Variants in INTS9 observed in about 807,000 individuals in gnomAD.
INTS9 encodes the protein integrator complex subunit 9.
A neutral mutation model predicts 79.7 loss-of-function variants in INTS9; 55 were observed. The observed-to-expected ratio is 0.69, with a 90% CI of 0.56 to 0.86. INTS9 has a LOEUF of 0.86. INTS9 is among the 40% of genes least tolerant of loss of function. INTS9 has a pLI of 0.00. For synonymous variants in INTS9, 319 were observed against 325.2 expected, an observed-to-expected ratio of 0.98 and a Z score of 0.20; for missense variants, 721 against 831.5, an observed-to-expected ratio of 0.87 and a Z score of 1.64.
rs1808336730 is a variant in INTS9, at chr8:28,859,463, T to C, written c.110A>G (p.Asn37Ser). Residue 37 changes from asparagine to serine, a missense_variant, in exon 2 of 17, where the codon AAT becomes AGT. Coordinates refer to ENST00000521022, the MANE Select transcript of INTS9 (RefSeq NM_018250.4). ...DCGLDMTSTL[N>S]FLPLPLVQSP... is the part of the protein sequence containing the mutation. ...TTGAACAAGTGGCAAAGGAAGGAAA[T>C]TGAGGGTAGAAGTCATGTCCAGTCC... 1 of 1,614,098 alleles carries C rather than the reference T, an allele frequency of 6.2e-7. No homozygotes were observed. The highest frequency in any genetic ancestry group is 1.1e-5 in the South Asian group (1 of 91,078).
intron 3 of INTS9, among the ~76,000 whole-genome samples, chr8:28,848,089 A>T (rs1241216022): frequency 6.6e-6 from 1 of 152,216 alleles, no homozygotes; most frequent in African/African-American, 2.4e-5. Context: ...GAAGGCCACT[A>T]ATGCTTTCTC....
chr8:28,882,469 A>AAT (rs1809920493), intron 1 of INTS9, among the ~76,000 whole-genome samples: 4 of 147,000 alleles, frequency 2.7e-5, no homozygotes, highest in African/African-American at 7.5e-5. Context: ...AAAAAAAAAA[A>AAT]AAATAGAAAT....
At chr8:28,880,828 C>A (rs1331429173) in intron 1 of INTS9, among the ~76,000 whole-genome samples, 1 of 149,534 alleles carries the variant, frequency 6.7e-6, no homozygotes, top group Non-Finnish European at 1.5e-5. Flanking sequence ...TCTTCCCCGC[C>A]GCCATCCCAT....
At position 28,768,015 on chromosome 8, in the gene INTS9, C is replaced by G. The variant is rs1236164942; in HGVS notation, c.*131G>C. On this transcript the variant is annotated 3_prime_UTR_variant, in exon 17 of 17. Coordinates refer to ENST00000521022, the MANE Select transcript of INTS9 (RefSeq NM_018250.4). Reference sequence around the variant, plus strand: ...CCAGACCATTTCCCTCAAGAGCCACCTCTTCACTCCTTAAGCCAGAGGACA... The same window carrying G: ...CCAGACCATTTCCCTCAAGAGCCACGTCTTCACTCCTTAAGCCAGAGGACA... The G allele has an allele frequency of 1.2e-6, 1 of 804,200 alleles. No homozygotes were observed. The highest frequency in any genetic ancestry group is 2.4e-5 in the East Asian group (1 of 41,156). The allele number at this position is 804,200 out of a possible 1,614,324, so 49.8% of individuals were successfully genotyped here.
chr8:28,876,199 C>G (rs960347624), intron 1 of INTS9, among the ~76,000 whole-genome samples: 1 of 152,086 alleles, frequency 6.6e-6, no homozygotes, highest in African/African-American at 2.4e-5. Flanking sequence ...TCCAAGGAAA[C>G]CTTGCAATTT....
chr8:28,778,354 A>G (rs1042441084), intron 12 of INTS9, among the ~76,000 whole-genome samples: 2 of 152,202 alleles, frequency 1.3e-5, no homozygotes, highest in Admixed American at 6.5e-5. Context: ...TTTGAGGGAG[A>G]ACAGAATATG....
In INTS9 at chr8:28,767,923, G is replaced by A. The variant is rs114789927; in HGVS notation, c.*223C>T. 666 of 538,744 alleles carry A rather than the reference G, an allele frequency of 1.2e-3. 1 individual carries two copies. The highest frequency in any genetic ancestry group is 0.012 in the African/African-American group (625 of 52,692). The allele number at this position is 538,744 out of a possible 1,614,324, so 33.4% of individuals were successfully genotyped here. A position where few individuals can be genotyped will look rare whatever the true frequency, so the allele number is the denominator to read the frequency against. On this transcript the variant is annotated 3_prime_UTR_variant, in exon 17 of 17. Coordinates refer to ENST00000521022, the MANE Select transcript of INTS9 (RefSeq NM_018250.4). The stretch of plus-strand genomic sequence containing the variant: ...CCTCCAGCTCCTTGAGAGAGCCAGA[G>A]TTGAGAAGAAAATGAGCCTGAAGTT...
chr8:28,851,342 G>A (rs1285638260), intron 2 of INTS9, among the ~76,000 whole-genome samples: 1 of 152,034 alleles, frequency 6.6e-6, no homozygotes, highest in Non-Finnish European at 1.5e-5. Flanking sequence ...CAATCTTTTA[G>A]AAATGGTGAA....
intron 6 of INTS9, among the ~76,000 whole-genome samples, chr8:28,832,612 T>G (rs931549702): frequency 1.8e-4 from 28 of 152,234 alleles, no homozygotes; most frequent in African/African-American, 6.3e-4. Context: ...ACTCACTAGC[T>G]GTGCGACCTT....
At chr8:28,857,765 T>C (rs147659937) in intron 2 of INTS9, among the ~76,000 whole-genome samples, 1 of 152,318 alleles carries the variant, frequency 6.6e-6, no homozygotes, top group East Asian at 1.9e-4. Context: ...CCAAATTCCC[T>C]GCCTTTATGA....
rs865835701 is a variant in INTS9 at position 28,793,902 on chromosome 8, C to T, written c.942G>A (p.Gln314=). 1 of 1,614,036 alleles carries T rather than the reference C, an allele frequency of 6.2e-7. No individual in the cohort carries two copies. Among genetic ancestry groups the T allele is most frequent in the Middle Eastern group, 1.7e-4 (1 of 6,060 alleles). The change falls in exon 10 of 17, where the codon CAG becomes CAA. Residue 314 remains glutamine, a synonymous_variant. Coordinates refer to ENST00000521022, the MANE Select transcript of INTS9 (RefSeq NM_018250.4). The stretch of plus-strand genomic sequence containing the variant: ...TGGAAAGCCCGGCTGAGTCGATGTA[C>T]TGATATAGGCACTCCAGGAGGTCAT... ...VIYDLLECLY[Q]YIDSAGLSSV...
rs183987057 is a variant in INTS9, at chr8:28,801,348, G to C, written c.745-4693C>G. 6.6e-5 allele frequency among the ~76,000 whole-genome samples: 10 copies of C among 152,074 alleles called. No individual in the cohort carries two copies. In the East Asian group the frequency reaches 1.9e-3, roughly 29 times the overall value. On this transcript the variant is annotated intron_variant, in intron 8 of 16. Coordinates refer to ENST00000521022, the MANE Select transcript of INTS9 (RefSeq NM_018250.4). ...ACAAAAAATACAAAAAAATTAGCCTGGCATGGTGGTGTGCGCCTATACCTC... is the reference window on the plus strand; with the variant it reads ...ACAAAAAATACAAAAAAATTAGCCTCGCATGGTGGTGTGCGCCTATACCTC...
chr8:28,828,841 G>A (rs1806304369), intron 6 of INTS9, among the ~76,000 whole-genome samples: 1 of 152,012 alleles, frequency 6.6e-6, no homozygotes, highest in African/African-American at 2.4e-5. Flanking sequence ...GGGATTATAG[G>A]TATGACTAAT....
At chr8:28,864,639 TTC>T (rs1452646207) in intron 1 of INTS9, among the ~76,000 whole-genome samples, 1 of 152,224 alleles carries the variant, frequency 6.6e-6, no homozygotes, top group African/African-American at 2.4e-5. Flanking sequence ...TTATACTAAT[TTC>T]TTTTTTCTTT....
intron 1 of INTS9, among the ~76,000 whole-genome samples, chr8:28,880,521 G>A (rs7837441): frequency 0.02 from 3,083 of 151,706 alleles, 88 homozygotes; most frequent in African/African-American, 0.071. Flanking sequence ...TCGGCCTCCC[G>A]AGGTGCCGGG....
chr8:28,836,116 T>C (rs1475184241), intron 5 of INTS9, among the ~76,000 whole-genome samples: 1 of 152,196 alleles, frequency 6.6e-6, no homozygotes, highest in African/African-American at 2.4e-5. Context: ...CCAGCCTAAA[T>C]GAACATTTTA....
rs962802724 is a variant in INTS9 at position 28,813,369 on chromosome 8, A to C, written c.609+123T>G. The C allele has an allele frequency of 1.4e-5, 13 of 937,674 alleles. No homozygotes were observed. In the Admixed American group the frequency reaches 2.7e-4, roughly 20 times the overall value. The allele number at this position is 937,674 out of a possible 1,614,324, so 58.1% of individuals were successfully genotyped here. On this transcript the variant is annotated intron_variant, in intron 7 of 16. Coordinates refer to ENST00000521022, the MANE Select transcript of INTS9 (RefSeq NM_018250.4). ...CTGCGCGGAACGGAGGAAAGAACAG[A>C]GGCTCTGGATCCTCAGCAATGGAAT... is the stretch of plus-strand genomic sequence containing the variant.
chr8:28,861,768 T>A (rs1482025263), intron 1 of INTS9, among the ~76,000 whole-genome samples: 1 of 152,248 alleles, frequency 6.6e-6, no homozygotes, highest in Non-Finnish European at 1.5e-5. Flanking sequence ...CAAAGAAAGT[T>A]CGCTGGAAGA....
At chr8:28,841,656 T>TC (rs1205624713) in intron 4 of INTS9, among the ~76,000 whole-genome samples, 4 of 152,136 alleles carry the variant, frequency 2.6e-5, no homozygotes, top group African/African-American at 9.7e-5. Flanking sequence ...AACTTTTGAC[T>TC]CCCCCAAAAC....
Sources: allele counts gnomAD v4.1 joint callset (sites outside exome capture counted in the v4.1 genomes callset), GRCh38; gene constraint gnomAD v4.1.1; transcripts MANE v1.5; gene names NCBI Gene and HGNC (gene_info 2026-07-23, HGNC 2026-07-21).